ERC2: variants seen among roughly 807,000 people sequenced by gnomAD.
ERC2 encodes the protein ELKS/RAB6-interacting/CAST family member 2.
Under a neutral mutation model 114.8 loss-of-function variants are expected in ERC2, and 42 were observed. The ratio of observed to expected loss-of-function variants is 0.37; its 90% CI spans 0.29 to 0.47. The LOEUF (loss-of-function observed/expected upper bound fraction) is 0.47, where lower values mean the gene tolerates loss of function less well. Ranked by LOEUF, ERC2 falls within the 20% of genes least tolerant of loss-of-function variation. The probability of loss-of-function intolerance (pLI) is 0.99; values close to 1 mark genes in which losing one functional copy is unlikely to be tolerated. For synonymous variants in ERC2, 454 were observed against 425.5 expected (o/e 1.07, Z -0.82); for missense variants, 939 against 1,150.7 (o/e 0.82, Z 2.66).
chr3:55,921,260 A>G (rs1265808520), intron 13 of ERC2, among the ~76,000 whole-genome samples: 2 of 152,102 alleles, frequency 1.3e-5, no homozygotes, highest in East Asian at 3.9e-4. Context: ...TATCCATAAA[A>G]CTGCACCCAA....
At chr3:55,900,147 C>T (rs1006963716) in intron 13 of ERC2, among the ~76,000 whole-genome samples, 1 of 152,182 alleles carries the variant, frequency 6.6e-6, no homozygotes, top group Non-Finnish European at 1.5e-5. Flanking sequence ...GTTGGTGACT[C>T]TAGAGCTGTC....
chr3:56,445,270 G>A (rs1049665003), intron 1 of ERC2, among the ~76,000 whole-genome samples: 5 of 151,958 alleles, frequency 3.3e-5, no homozygotes, highest in African/African-American at 1.2e-4. Context: ...TCCCCCAATA[G>A]GTATTTACAT....
intron 3 of ERC2, among the ~76,000 whole-genome samples, chr3:56,258,304 C>T (rs2052658119): frequency 6.6e-6 from 1 of 152,194 alleles, no homozygotes; most frequent in Non-Finnish European, 1.5e-5. Context: ...AGCTCTCTTG[C>T]TATAGCCTGA....
intron 13 of ERC2, 133 bp from the exon 14 acceptor site, chr3:55,888,682 G>T (rs769417379): frequency 2.5e-4 from 265 of 1,057,588 alleles, no homozygotes; most frequent in Non-Finnish European, 3.3e-4. Context: ...GTGTCTTGGA[G>T]CCCTTTCTTT....
intron 6 of ERC2, 60 bp downstream of exon 6, chr3:56,139,449 T>C (rs1299145210): frequency 2.6e-6 from 4 of 1,534,720 alleles, no homozygotes; most frequent in Non-Finnish European, 3.5e-6. Flanking sequence ...GTTGTTCAGG[T>C]AGGGCAATTT....
chr3:55,605,850 G>C (rs2058619729), intron 17 of ERC2, among the ~76,000 whole-genome samples: 1 of 152,164 alleles, frequency 6.6e-6, no homozygotes, highest in Non-Finnish European at 1.5e-5. Context: ...CATATCTACT[G>C]TAAAAGCAAG....
intron 2 of ERC2, among the ~76,000 whole-genome samples, chr3:56,357,164 C>T (rs141970780): frequency 3.0e-4 from 46 of 152,332 alleles, no homozygotes; most frequent in Non-Finnish European, 6.2e-4. Flanking sequence ...GAAACATCCT[C>T]CTGCATAGAG....
intron 3 of ERC2, among the ~76,000 whole-genome samples, chr3:56,278,157 A>C (rs912535293): frequency 6.6e-6 from 1 of 152,228 alleles, no homozygotes; most frequent in African/African-American, 2.4e-5. Context: ...TGATGACAAC[A>C]ACAACTATCT....
At chr3:56,241,262 C>T (rs111394295) in intron 3 of ERC2, among the ~76,000 whole-genome samples, 10 of 152,228 alleles carry the variant, frequency 6.6e-5, no homozygotes, top group Middle Eastern at 3.4e-3. Flanking sequence ...CAAAAGAAGA[C>T]GCACAAGCAG....
chr3:56,101,256 C>T (rs12635824), intron 6 of ERC2, among the ~76,000 whole-genome samples: 17 of 152,244 alleles, frequency 1.1e-4, no homozygotes, highest in African/African-American at 1.4e-4. Flanking sequence ...CTCAGGAAAA[C>T]GGACATCACA....
At chr3:55,888,586 T>C (rs1282781196) in intron 13 of ERC2, 37 bp from the exon 14 acceptor site, 1 of 1,608,348 alleles carries the variant, frequency 6.2e-7, no homozygotes, top group Admixed American at 1.7e-5. Context: ...TTATTTCTCC[T>C]TCATTCAAGC....
rs1016367389 is a variant in ERC2 at position 56,434,534 on chromosome 3, C to T, written c.474G>A (p.Gln158=). 9 of 1,614,034 alleles carry T rather than the reference C, an allele frequency of 5.6e-6. No homozygotes were observed. The highest frequency in any genetic ancestry group is 7.6e-6 in the Non-Finnish European group (9 of 1,179,900). Reference sequence around the variant, plus strand: ...CTTTCCGGAGGAGGTCATTCTCTCTCTGCAGTTCTTTCAGCTGGGCCTGAA... The same window carrying T: ...CTTTCCGGAGGAGGTCATTCTCTCTTTGCAGTTCTTTCAGCTGGGCCTGAA... ...LDLQAQLKEL[Q]RENDLLRKEL... The change falls in exon 2 of 18, where the codon CAG becomes CAA. Residue 158 remains glutamine (Q), a synonymous_variant. Coordinates refer to ENST00000288221, the MANE Select transcript of ERC2 (RefSeq NM_015576.3).
At chr3:56,052,745 G>A (rs577582301) in intron 7 of ERC2, among the ~76,000 whole-genome samples, 60 of 152,284 alleles carry the variant, frequency 3.9e-4, no homozygotes, top group Admixed American at 3.9e-3. Context: ...GCTGGGACCC[G>A]AGTTGCATTT....
chr3:55,766,714 T>G (rs2149010912), intron 14 of ERC2: 1 of 152,434 alleles, frequency 6.6e-6, no homozygotes, highest in Non-Finnish European at 1.5e-5. Flanking sequence ...TGGGAAGGGC[T>G]GGCAATCTTG....
At chr3:56,281,103 C>A (rs2054306828) in intron 3 of ERC2, among the ~76,000 whole-genome samples, 1 of 152,198 alleles carries the variant, frequency 6.6e-6, no homozygotes, top group East Asian at 1.9e-4. Flanking sequence ...CAGTCATTTT[C>A]TAAATGTATC....
chr3:56,210,798 T>C (rs2049010497), intron 3 of ERC2, among the ~76,000 whole-genome samples: 1 of 152,228 alleles, frequency 6.6e-6, no homozygotes, highest in African/African-American at 2.4e-5. Context: ...AACCTGTATC[T>C]ACATTTGAAT....
chr3:56,358,382 T>C (rs2058823020), intron 2 of ERC2, among the ~76,000 whole-genome samples: 2 of 152,204 alleles, frequency 1.3e-5, no homozygotes, highest in African/African-American at 4.8e-5. Context: ...AACTTCCAAA[T>C]AGTTCCTAGC....
chr3:55,881,036 A>G (rs765149683), intron 14 of ERC2, among the ~76,000 whole-genome samples: 1 of 152,198 alleles, frequency 6.6e-6, no homozygotes, highest in Non-Finnish European at 1.5e-5. Context: ...ATTGGCTTCA[A>G]AACTCTTCTC....
chr3:56,053,495 C>T (rs185370410), intron 7 of ERC2, among the ~76,000 whole-genome samples: 2 of 152,296 alleles, frequency 1.3e-5, no homozygotes, highest in East Asian at 3.9e-4. Context: ...CTTAGCTCAA[C>T]AACTGACATA....
Sources: gnomAD v4.1 joint callset for allele counts (sites outside exome capture counted in the v4.1 genomes callset) on GRCh38, gnomAD v4.1.1 for gene constraint, MANE v1.5 for transcripts, NCBI Gene and HGNC (gene_info 2026-07-23, HGNC 2026-07-21) for gene names.